Variants in SP140 observed in about 807,000 individuals in gnomAD.
The protein encoded by SP140 is SP140 nuclear body protein.
In SP140, 81 loss-of-function variants were observed where a neutral mutation model predicts 125.0. That is an observed-to-expected ratio of 0.65 (90% CI 0.54 to 0.78). SP140 has a LOEUF of 0.78. Ranked by LOEUF, SP140 falls within the 30% of genes least tolerant of loss-of-function variation. The pLI is 0.00. For synonymous variants in SP140, 312 were observed against 354.0 expected (o/e 0.88, Z 1.33); for missense variants, 858 against 1,037.0 (o/e 0.83, Z 2.37).
At chr2:230,300,755 C>T (rs1056883806) in intron 22 of SP140, among the ~76,000 whole-genome samples, 2 of 152,154 alleles carry the variant, frequency 1.3e-5, no homozygotes, top group Non-Finnish European at 2.9e-5. Context: ...ATAACACCCC[C>T]AAAAGATCAC....
chr2:230,293,834 G>T (rs2057397198), intron 20 of SP140, among the ~76,000 whole-genome samples: 2 of 152,148 alleles, frequency 1.3e-5, no homozygotes, highest in Admixed American at 1.3e-4. Context: ...TATTTTGTGA[G>T]TGCTTTTTGT....
At position 230,212,974 on chromosome 2, in the gene SP140, G is replaced by A. The variant is rs1158665994; in HGVS notation, c.-322-680G>A. 7.4e-6 allele frequency: 12 copies of A among 1,613,900 alleles called. No homozygotes were observed. In the African/African-American group the frequency reaches 1.5e-4, roughly 20 times the overall value. On this transcript the variant is annotated intron_variant, in intron 1 of 4. Transcript: ENST00000456542. ...GAGCTTCCTTCTGCTAGGCCAGTTG[G>A]GGCTTCAAGTAGGATTGGTGTGTCT...
At chr2:230,297,579 G>A (rs992991793) in intron 22 of SP140, 117 bp downstream of exon 22, 7 of 1,244,262 alleles carry the variant, frequency 5.6e-6, no homozygotes, top group Non-Finnish European at 8.1e-6. Context: ...GGAGTATGTG[G>A]CTGTGTGAAT....
chr2:230,237,482 T>C lies in SP140; in HGVS notation c.237+222T>C. 2.0e-6 allele frequency: 1 copy of C among 499,922 alleles called. No individual in the cohort carries two copies. The highest frequency in any genetic ancestry group is 5.2e-4 in the Middle Eastern group (1 of 1,934). 31.0% of individuals were successfully genotyped at this position (499,922 alleles called of 1,614,324 possible). On this transcript the variant is annotated intron_variant, in intron 2 of 26. Transcript: ENST00000392045. This position sits in a 1 kb window ranked among gnomAD's most constrained non-coding sequence, Gnocchi z 5.4. ...GAGGGAGGTGGGGCAGGAGAGAGAA[T>C]GGGAATGCTGTATGGGTGCAGATCA... is the stretch of plus-strand genomic sequence containing the variant.
At chr2:230,207,140 G>T (rs2043952326) in intron 1 of SP140, among the ~76,000 whole-genome samples, 1 of 152,134 alleles carries the variant, frequency 6.6e-6, no homozygotes, top group Admixed American at 6.5e-5. Flanking sequence ...TCTCAAAGCA[G>T]CAAAGTTTTT....
intron 21 of SP140, among the ~76,000 whole-genome samples, chr2:230,295,261 T>C (rs1271409359): frequency 1.3e-5 from 2 of 152,224 alleles, no homozygotes; most frequent in African/African-American, 2.4e-5. Context: ...AGCTCACACA[T>C]AGCTAGCCAC....
rs757920279 is a variant in SP140, at chr2:230,225,876, C to G, written c.32C>G (p.Ala11Gly). 3.7e-6 allele frequency: 6 copies of G among 1,613,958 alleles called. No homozygotes were observed. Among genetic ancestry groups the G allele is most frequent in the Non-Finnish European group, 4.2e-6 (5 of 1,179,832 alleles). Residue 11 changes from alanine to glycine, a missense_variant, in exon 1 of 27, where the codon GCA becomes GGA. Around this residue, in one of 4 missense-constraint regions of SP140, gnomAD observed 791 missense variants for 869.5 expected, o/e 0.91. Coordinates refer to ENST00000392045, the MANE Select transcript of SP140 (RefSeq NM_007237.5). ...CAGCAGGGCCAGCAGGGGCAGATGG[C>G]AAGTGGAGACAGCAATCTCAACTTC... MAQQGQQGQMASGDSNLNFRM... is the reference protein window; with the variant it reads MAQQGQQGQMGSGDSNLNFRM...
In SP140 at chr2:230,231,948, ATCCACCCGTCTCAG is replaced by A. The variant is rs573221795; in HGVS notation, c.60-5132_60-5119del. ...CTGGTCTCAAACTCCTGGCTTTGTG[ATCCACCCGTCTCAG>A]TCTCCCAAAATGCTGGGATTACAGG... On this transcript the variant is annotated intron_variant, in intron 1 of 26. Transcript: ENST00000392045. 1.9e-3 allele frequency among the ~76,000 whole-genome samples: 282 copies of A among 152,070 alleles called. 1 individual carries two copies. Among genetic ancestry groups the A allele is most frequent in the African/African-American group, 6.5e-3 (271 of 41,476 alleles).
chr2:230,296,108 G>A (rs2057700102), intron 21 of SP140, among the ~76,000 whole-genome samples: 1 of 151,978 alleles, frequency 6.6e-6, no homozygotes, highest in African/African-American at 2.4e-5. Flanking sequence ...AGACATTGTG[G>A]TGTACACCTG....
chr2:230,241,355 T>G (rs1056573983), intron 3 of SP140, 49 bp from the exon 4 acceptor site: 3 of 1,168,590 alleles, frequency 2.6e-6, no homozygotes, highest in Non-Finnish European at 3.9e-6. Flanking sequence ...CTGAGGTCTC[T>G]CCTCTGGTCA....
chr2:230,281,225 G>C (rs2055493886), intron 15 of SP140, among the ~76,000 whole-genome samples: 1 of 152,112 alleles, frequency 6.6e-6, no homozygotes, highest in Admixed American at 6.6e-5. Flanking sequence ...CTTTCACATA[G>C]ATTCACAATT....
At chr2:230,259,512 C>T (rs535451002) in intron 12 of SP140, among the ~76,000 whole-genome samples, 25 of 142,858 alleles carry the variant, frequency 1.7e-4, no homozygotes, top group African/African-American at 4.5e-4. Flanking sequence ...ACCCCGCCTC[C>T]GCTAAAAAAA....
At chr2:230,242,318 A>G (rs550253294) in intron 4 of SP140, among the ~76,000 whole-genome samples, 2 of 152,338 alleles carry the variant, frequency 1.3e-5, no homozygotes, top group East Asian at 1.9e-4. Flanking sequence ...ACAGACTGGG[A>G]CAGTGTAGGT....
chr2:230,255,414 A>G (rs2051012881), intron 11 of SP140, 38 bp from the exon 12 acceptor site: 2 of 1,607,820 alleles, frequency 1.2e-6, no homozygotes, highest in East Asian at 2.2e-5. Context: ...TGTTGGTTGT[A>G]TACTGAGACC....
At chr2:230,251,153 A>G (rs2050296739) in intron 10 of SP140, 92 bp downstream of exon 10, 2 of 1,035,986 alleles carry the variant, frequency 1.9e-6, no homozygotes, top group Admixed American at 2.1e-5. Flanking sequence ...TCCTCCAAGT[A>G]TACTTCACAG....
At position 230,237,026 on chromosome 2, in the gene SP140, A is replaced by T; in HGVS notation, c.60-57A>T. ...CCTTCATGTCTAAAATCTTCTAACC[A>T]CCACAAACCTCTTGGAAACTCAGTG... On this transcript the variant is annotated intron_variant, in intron 1 of 26. Coordinates refer to ENST00000392045, the MANE Select transcript of SP140 (RefSeq NM_007237.5). The surrounding 1 kb of genome is among the most constrained non-coding windows in gnomAD (Gnocchi z 5.4). The T allele has an allele frequency of 7.1e-7, 1 of 1,408,992 alleles. No homozygotes were observed. The highest frequency in any genetic ancestry group is 9.5e-7 in the Non-Finnish European group (1 of 1,055,964). 87.3% of individuals were successfully genotyped at this position (1,408,992 alleles called of 1,614,324 possible).
At chr2:230,206,268 C>T (rs1024879314) in intron 1 of SP140, among the ~76,000 whole-genome samples, 1 of 152,034 alleles carries the variant, frequency 6.6e-6, no homozygotes, top group African/African-American at 2.4e-5. Context: ...CTCCTGCCTC[C>T]ATCACCAAAA....
intron 12 of SP140, among the ~76,000 whole-genome samples, chr2:230,258,685 CAT>C (rs1395111801): frequency 3.9e-5 from 6 of 152,182 alleles, no homozygotes; most frequent in African/African-American, 1.4e-4. Flanking sequence ...GGCTTTCCCA[CAT>C]GTGCTGTTAA....
chr2:230,258,960 C>T (rs894119068), intron 12 of SP140, among the ~76,000 whole-genome samples: 2 of 152,096 alleles, frequency 1.3e-5, no homozygotes, highest in Non-Finnish European at 2.9e-5. Flanking sequence ...TCTCCAGAAC[C>T]ATGGACTAAT....
Sources: gnomAD v4.1 joint callset for allele counts (sites outside exome capture counted in the v4.1 genomes callset) on GRCh38, gnomAD v4.1.1 for gene constraint, gnomAD v4.1.1 regional missense constraint, Gnocchi (gnomAD v3.1) non-coding constraint, MANE v1.5 for transcripts, NCBI Gene and HGNC (gene_info 2026-07-23, HGNC 2026-07-21) for gene names.